FGGY: variants seen among roughly 807,000 people sequenced by gnomAD.
FGGY encodes the protein FGGY carbohydrate kinase domain-containing protein.
In FGGY, 72 loss-of-function variants were observed where a neutral mutation model predicts 71.3. The ratio of observed to expected loss-of-function variants is 1.01; its 90% CI spans 0.84 to 1.23. FGGY has a LOEUF of 1.23. Among genes scored for constraint, FGGY ranks in the 50% most tolerant of loss-of-function variants. The probability of loss-of-function intolerance (pLI) is 0.00; values close to 1 mark genes in which losing one functional copy is unlikely to be tolerated. For synonymous variants in FGGY, 251 were observed against 250.3 expected, an observed-to-expected ratio of 1.00 and a Z score of -0.02; for missense variants, 668 against 682.3, an observed-to-expected ratio of 0.98 and a Z score of 0.23.
intron 5 of FGGY, among the ~76,000 whole-genome samples, chr1:59,438,895 G>A (rs2069110117): frequency 6.6e-6 from 1 of 152,064 alleles, no homozygotes; most frequent in Non-Finnish European, 1.5e-5. Context: ...GCTTTGTTCT[G>A]GATGAGGCCA....
At chr1:59,481,927 G>A (rs1322900771) in intron 6 of FGGY, among the ~76,000 whole-genome samples, 7 of 152,060 alleles carry the variant, frequency 4.6e-5, no homozygotes, top group East Asian at 1.9e-4. Flanking sequence ...TATAAAAACC[G>A]ACATGAAAAG....
intron 6 of FGGY, among the ~76,000 whole-genome samples, chr1:59,466,384 C>T (rs2092629377): frequency 6.6e-6 from 1 of 152,086 alleles, no homozygotes; most frequent in Non-Finnish European, 1.5e-5. Flanking sequence ...AAATGTTAGA[C>T]CTAAAACCAT....
intron 4 of FGGY, among the ~76,000 whole-genome samples, chr1:59,363,079 C>T (rs898715189): frequency 2.0e-5 from 3 of 152,132 alleles, no homozygotes; most frequent in Non-Finnish European, 4.4e-5. Context: ...TTGAGAAGAA[C>T]AAGGATTGTG....
At chr1:59,509,033 G>T (rs1462668130) in intron 6 of FGGY, among the ~76,000 whole-genome samples, 3 of 152,182 alleles carry the variant, frequency 2.0e-5, no homozygotes, top group African/African-American at 7.2e-5. Flanking sequence ...CCTCTGCTTT[G>T]CAAAGTCACC....
chr1:59,682,483 G>C (rs2097510329), intron 14 of FGGY, among the ~76,000 whole-genome samples: 1 of 152,196 alleles, frequency 6.6e-6, no homozygotes, highest in Non-Finnish European at 1.5e-5. Context: ...GAAATCACAG[G>C]GAGAATGTGA....
At chr1:59,365,179 A>T (rs1243983646) in intron 4 of FGGY, among the ~76,000 whole-genome samples, 1 of 152,204 alleles carries the variant, frequency 6.6e-6, no homozygotes, top group Non-Finnish European at 1.5e-5. Flanking sequence ...GGAGTGATTG[A>T]TATTTCTCAG....
chr1:59,525,522 G>T (rs2094953638), intron 7 of FGGY, among the ~76,000 whole-genome samples: 1 of 152,198 alleles, frequency 6.6e-6, no homozygotes, highest in Non-Finnish European at 1.5e-5. Context: ...GCTTTTATTT[G>T]TAAAGCACTT....
intron 14 of FGGY, among the ~76,000 whole-genome samples, chr1:59,701,921 G>T (rs1424637330): frequency 6.6e-6 from 1 of 152,148 alleles, no homozygotes; most frequent in African/African-American, 2.4e-5. Flanking sequence ...ATGAAATGGA[G>T]ATTGTATTAG....
chr1:59,597,481 C>A (rs1262265797), intron 8 of FGGY, among the ~76,000 whole-genome samples: 2 of 152,132 alleles, frequency 1.3e-5, no homozygotes, highest in Admixed American at 1.3e-4. Flanking sequence ...CTTCAGAATT[C>A]TAATCAAGAT....
At chr1:59,420,837 A>G (rs920404067) in intron 5 of FGGY, among the ~76,000 whole-genome samples, 2 of 151,900 alleles carry the variant, frequency 1.3e-5, no homozygotes, top group African/African-American at 4.8e-5. Flanking sequence ...GATCCCAGTA[A>G]TCACAAAGAG....
intron 5 of FGGY, among the ~76,000 whole-genome samples, chr1:59,424,240 A>G (rs1453812973): frequency 6.6e-6 from 1 of 152,240 alleles, no homozygotes; most frequent in Non-Finnish European, 1.5e-5. Flanking sequence ...CCATTTGAGA[A>G]GTAGAATTAA....
chr1:59,624,202 A>G (rs1264534748), intron 9 of FGGY, among the ~76,000 whole-genome samples: 1 of 152,104 alleles, frequency 6.6e-6, no homozygotes, highest in Non-Finnish European at 1.5e-5. Flanking sequence ...CACCAATGGT[A>G]TTCAACAACG....
At chr1:59,533,177 AG>A (rs1412145094) in intron 7 of FGGY, among the ~76,000 whole-genome samples, 1 of 152,222 alleles carries the variant, frequency 6.6e-6, no homozygotes, top group Non-Finnish European at 1.5e-5. Flanking sequence ...AAGCAGGGCA[AG>A]GCATTGCCTC....
At chr1:59,597,188 C>G (rs2096532869) in intron 8 of FGGY, among the ~76,000 whole-genome samples, 2 of 152,194 alleles carry the variant, frequency 1.3e-5, no homozygotes, top group South Asian at 4.1e-4. Context: ...TCCTGAATTC[C>G]TCTGAGCTAA....
intron 10 of FGGY, among the ~76,000 whole-genome samples, chr1:59,637,171 A>G (rs1366949922): frequency 1.3e-5 from 2 of 152,148 alleles, no homozygotes; most frequent in African/African-American, 4.8e-5. Context: ...TCAGAGGTTA[A>G]GTCACTGGCC....
At chr1:59,315,707 C>T (rs980408217) in intron 1 of FGGY, 1 of 152,250 alleles carries the variant, frequency 6.6e-6, no homozygotes, top group Middle Eastern at 3.4e-3. Context: ...TATGCTTATA[C>T]GCGTTTTTAC....
chr1:59,327,561 T>C (rs1421335706), intron 2 of FGGY, among the ~76,000 whole-genome samples: 3 of 152,248 alleles, frequency 2.0e-5, no homozygotes, highest in Admixed American at 2.0e-4. Flanking sequence ...ATTAACCTCT[T>C]CCAAATTCCT....
chr1:59,520,039 C>T (rs886551494), intron 7 of FGGY, among the ~76,000 whole-genome samples: 6 of 152,182 alleles, frequency 3.9e-5, no homozygotes, highest in African/African-American at 1.2e-4. Context: ...TGCCAAACAC[C>T]TTACAATGCC....
intron 1 of FGGY, among the ~76,000 whole-genome samples, chr1:59,316,833 T>C (rs1300011943): frequency 1.3e-5 from 2 of 152,126 alleles, no homozygotes; most frequent in African/African-American, 4.8e-5. Flanking sequence ...TTATTTTTCT[T>C]TCTCTTGGCC....
Sources: gnomAD v4.1 joint callset for allele counts (sites outside exome capture counted in the v4.1 genomes callset) on GRCh38, gnomAD v4.1.1 for gene constraint, MANE v1.5 for transcripts, NCBI Gene and HGNC (gene_info 2026-07-23, HGNC 2026-07-21) for gene names.